Variants in RILPL1 observed in about 807,000 individuals in gnomAD.
The protein encoded by RILPL1 is Rab interacting lysosomal protein like 1.
A neutral mutation model predicts 50.3 loss-of-function variants in RILPL1; 33 were observed. The observed-to-expected ratio is 0.66, with a 90% CI of 0.50 to 0.88. RILPL1 has a LOEUF of 0.88. Ranked by LOEUF, RILPL1 falls within the 40% of genes least tolerant of loss-of-function variation. The pLI, the probability that RILPL1 is intolerant of heterozygous loss-of-function variation, is 0.00. For synonymous variants in RILPL1, 205 were observed against 228.6 expected, an observed-to-expected ratio of 0.90 and a Z score of 0.93; for missense variants, 418 against 542.5, an observed-to-expected ratio of 0.77 and a Z score of 2.28.
intron 2 of RILPL1, among the ~76,000 whole-genome samples, chr12:123,505,183 G>C (rs61953531): frequency 0.039 from 5,916 of 152,184 alleles, 131 homozygotes; most frequent in South Asian, 0.069. Context: ...TGGTACTACA[G>C]GCATGCGCCT....
rs778168168 is a variant in RILPL1 at position 123,499,490 on chromosome 12, C to T, written c.507G>A (p.Val169=). The T allele has an allele frequency of 6.2e-7, 1 of 1,613,966 alleles. No individual in the cohort carries two copies. ...GGATCTCGTCGCGTTGTTTGTCCAC[C>T]ACCTCCTTCAGCTTCTTCATCACCT... ...ERQVMKKLKE[V]VDKQRDEIRA... The change falls in exon 3 of 7, where the codon GTG becomes GTA. Residue 169 remains valine (V), a synonymous_variant. Transcript: ENST00000376874.
chr12:123,477,403 ATC>A (rs1312807384), intron 6 of RILPL1, among the ~76,000 whole-genome samples: 1 of 146,644 alleles, frequency 6.8e-6, no homozygotes, highest in Non-Finnish European at 1.5e-5. Flanking sequence ...TAGTGGCACA[ATC>A]TCTGCTCACT....
At chr12:123,502,004 G>C (rs1047371999) in intron 2 of RILPL1, among the ~76,000 whole-genome samples, 22 of 151,258 alleles carry the variant, frequency 1.5e-4, no homozygotes, top group African/African-American at 5.4e-4. Flanking sequence ...GAACCTGGGA[G>C]GGGAGGTGGA....
rs1882662752 is a variant in RILPL1 at position 123,491,097 on chromosome 12, G to A, written c.802-5292C>T. 6.6e-6 allele frequency among the ~76,000 whole-genome samples: 1 copy of A among 152,176 alleles called. No homozygotes were observed. The highest frequency in any genetic ancestry group is 2.1e-4 in the South Asian group (1 of 4,830). On this transcript the variant is annotated intron_variant, in intron 4 of 6. Transcript: ENST00000376874. The surrounding 1 kb of genome is among the most constrained non-coding windows in gnomAD (Gnocchi z 4.0). ...AAAGTACAGGCAGAAGGACAGCCCTGGGCTCCAGCTTCTCGAGAGGCCACC... is the reference window on the plus strand; with the variant it reads ...AAAGTACAGGCAGAAGGACAGCCCTAGGCTCCAGCTTCTCGAGAGGCCACC...
At chr12:123,496,214 A>G (rs1263670537) in intron 4 of RILPL1, among the ~76,000 whole-genome samples, 2 of 151,808 alleles carry the variant, frequency 1.3e-5, no homozygotes, top group Non-Finnish European at 2.9e-5. Flanking sequence ...GGGCTTCACC[A>G]TATTGGCCAG....
chr12:123,500,729 T>G (rs758800665), intron 2 of RILPL1, among the ~76,000 whole-genome samples: 5 of 152,134 alleles, frequency 3.3e-5, no homozygotes, highest in Admixed American at 2.0e-4. Context: ...TAAAGTAGGG[T>G]GATAACAGTC....
Position 123,492,027 on chromosome 12 carries a change from A to T in RILPL1, c.802-6222T>A, listed in dbSNP as rs1456761683. On this transcript the variant is annotated intron_variant, in intron 4 of 6. Coordinates refer to ENST00000376874, the MANE Select transcript of RILPL1 (RefSeq NM_178314.5). ...GACTCAAAATAAATAAATAAATAAA[A>T]TAAAATAAAATAGAGGCAGGCAGAT... Among the ~76,000 whole-genome samples the T allele has an allele frequency of 9.9e-5, 15 of 151,836 alleles. No individual in the cohort carries two copies. The East Asian group carries it at 2.9e-3, about 29-fold the overall frequency.
At position 123,485,913 on chromosome 12, in the gene RILPL1, T is replaced by C; in HGVS notation, c.802-108A>G. 3 of 1,153,248 alleles carry C rather than the reference T, an allele frequency of 2.6e-6. No individual in the cohort carries two copies. In the Admixed American group the frequency reaches 9.1e-5, roughly 35 times the overall value. The allele number at this position is 1,153,248 out of a possible 1,614,324, so 71.4% of individuals were successfully genotyped here. A position where few individuals can be genotyped will look rare whatever the true frequency, so the allele number is the denominator to read the frequency against. On this transcript the variant is annotated intron_variant, in intron 4 of 6. Transcript: ENST00000376874. This position sits in a 1 kb window ranked among gnomAD's most constrained non-coding sequence, Gnocchi z 4.0. ...TCCCCCTCCCGGGGTGCCAGCAGCC[T>C]GTGGAGGGTGCTATTTTCAGCACTC...
intron 4 of RILPL1, among the ~76,000 whole-genome samples, chr12:123,494,389 C>G (rs1235885003): frequency 6.6e-6 from 1 of 152,186 alleles, no homozygotes; most frequent in Admixed American, 6.5e-5. Context: ...CTGGAGGGTT[C>G]ACATTACCGC....
At chr12:123,523,711 C>A in intron 1 of RILPL1, 66 bp from the exon 2 acceptor site, 2 of 1,539,050 alleles carry the variant, frequency 1.3e-6, no homozygotes, top group Admixed American at 2.2e-5. Flanking sequence ...CCCACTCCGA[C>A]CCTCAGGGGC....
chr12:123,482,180 C>T (rs1399771153), intron 6 of RILPL1, among the ~76,000 whole-genome samples: 1 of 152,040 alleles, frequency 6.6e-6, no homozygotes, highest in Admixed American at 6.6e-5. Context: ...CCTCCAAATT[C>T]GTTTTCTTAG....
At chr12:123,495,914 C>T (rs879780624) in intron 4 of RILPL1, among the ~76,000 whole-genome samples, 3 of 151,998 alleles carry the variant, frequency 2.0e-5, no homozygotes, top group Non-Finnish European at 2.9e-5. Context: ...CTCCTGAGCT[C>T]AGGAAATCGG....
intron 4 of RILPL1, among the ~76,000 whole-genome samples, chr12:123,488,965 C>T (rs961539494): frequency 6.6e-6 from 1 of 152,180 alleles, no homozygotes. Flanking sequence ...TCCTCTGCAG[C>T]GCCTCCAGGG....
chr12:123,480,158 CTTT>C (rs957649286), intron 6 of RILPL1, among the ~76,000 whole-genome samples: 27 of 116,970 alleles, frequency 2.3e-4, no homozygotes, highest in Admixed American at 3.5e-4. Context: ...AAGGCTGATT[CTTT>C]TTTTTTTTTT....
At chr12:123,492,700 T>C (rs1053813962) in intron 4 of RILPL1, among the ~76,000 whole-genome samples, 3 of 152,120 alleles carry the variant, frequency 2.0e-5, no homozygotes, top group Admixed American at 6.6e-5. Context: ...GAAGTAGACA[T>C]AGGAGACTCC....
chr12:123,475,896 AATT>A, intron 6 of RILPL1: 1 of 505,008 alleles, frequency 2.0e-6, no homozygotes, highest in African/African-American at 2.4e-5. Flanking sequence ...ATTCACTTAA[AATT>A]TTTTTTTTTT....
rs776585339 is a variant in RILPL1, at chr12:123,522,774, G to A, written c.460+721C>T. Among the ~76,000 whole-genome samples the A allele has an allele frequency of 7.2e-5, 11 of 151,954 alleles. No homozygotes were observed. Among genetic ancestry groups the A allele is most frequent in the Non-Finnish European group, 8.8e-5 (6 of 67,998 alleles). On this transcript the variant is annotated intron_variant, in intron 2 of 6. Coordinates refer to ENST00000376874, the MANE Select transcript of RILPL1 (RefSeq NM_178314.5). This position sits in a 1 kb window ranked among gnomAD's most constrained non-coding sequence, Gnocchi z 4.0. ...CACCTGGCTTATTTTTAAAAAAATC[G>A]TTAGTAGAGACGGGGTCTATGTTGC...
In RILPL1 at chr12:123,532,856, C is replaced by T. The variant is rs180843715; in HGVS notation, c.309+318G>A. Among the ~76,000 whole-genome samples the T allele has an allele frequency of 8.9e-4, 135 of 152,166 alleles. 1 individual carries two copies. Among genetic ancestry groups the T allele is most frequent in the African/African-American group, 3.2e-3 (133 of 41,500 alleles). On this transcript the variant is annotated intron_variant, in intron 1 of 6. Coordinates refer to ENST00000376874, the MANE Select transcript of RILPL1 (RefSeq NM_178314.5). ...CCATTTAATTCTTCTAAGGTGGGTC[C>T]TATTATGATTACCATTTGACAGGTG...
At chr12:123,513,807 A>AT (rs1884531791) in intron 2 of RILPL1, 1 of 152,206 alleles carries the variant, frequency 6.6e-6, no homozygotes, top group Non-Finnish European at 1.5e-5. Flanking sequence ...ACACCCAGCA[A>AT]TTCAGGATCT....
Sources: allele counts gnomAD v4.1 joint callset (sites outside exome capture counted in the v4.1 genomes callset), GRCh38; gene constraint gnomAD v4.1.1; non-coding constraint Gnocchi (gnomAD v3.1); transcripts MANE v1.5; gene names NCBI Gene and HGNC (gene_info 2026-07-23, HGNC 2026-07-21).